The following CORIN variants were observed in gnomAD, a reference collection of about 807,000 sequenced individuals.
The protein encoded by CORIN is atrial natriuretic peptide-converting enzyme.
CORIN carries 117 observed loss-of-function variants against 125.3 expected under a neutral mutation model. That is an observed-to-expected ratio of 0.93 (90% CI 0.80 to 1.09). The LOEUF is 1.09. Ranked by LOEUF, CORIN falls within the 50% of genes least tolerant of loss-of-function variation. The pLI is 0.00. For missense variants in CORIN, 1,253 were observed against 1,306.7 expected, an observed-to-expected ratio of 0.96 and a Z score of 0.63; for synonymous variants, 450 against 466.4, an observed-to-expected ratio of 0.96 and a Z score of 0.45.
chr4:47,808,462 C>G (rs1298619593), intron 1 of CORIN, among the ~76,000 whole-genome samples: 4 of 152,172 alleles, frequency 2.6e-5, no homozygotes, highest in Admixed American at 1.3e-4. Flanking sequence ...GCTTTATTCT[C>G]TCTATAAGGG....
chr4:47,731,454 C>A (rs755444470), intron 5 of CORIN, among the ~76,000 whole-genome samples: 1 of 152,046 alleles, frequency 6.6e-6, no homozygotes, highest in Non-Finnish European at 1.5e-5. Context: ...CTGAGGCACT[C>A]CAGTGTCTAC....
chr4:47,736,920 G>T (rs1445548380), intron 5 of CORIN, among the ~76,000 whole-genome samples: 1 of 152,242 alleles, frequency 6.6e-6, no homozygotes, highest in East Asian at 1.9e-4. Flanking sequence ...AGCAGTGAAA[G>T]GGGAGACATA....
chr4:47,647,107 T>G (rs1723526680), intron 13 of CORIN, among the ~76,000 whole-genome samples: 1 of 152,114 alleles, frequency 6.6e-6, no homozygotes, highest in Non-Finnish European at 1.5e-5. Flanking sequence ...CACAGGGACA[T>G]TATTTAGAGT....
intron 13 of CORIN, among the ~76,000 whole-genome samples, chr4:47,648,355 A>G (rs1272427703): frequency 1.3e-5 from 2 of 152,088 alleles, no homozygotes; most frequent in African/African-American, 4.8e-5. Flanking sequence ...TCACCAACTC[A>G]CCCCAGTTTG....
chr4:47,624,892 G>GCC (rs1560477653), intron 17 of CORIN, among the ~76,000 whole-genome samples: 3 of 151,026 alleles, frequency 2.0e-5, no homozygotes, highest in African/African-American at 7.3e-5. Flanking sequence ...AAAAAAAAAT[G>GCC]CAACCCTAAA....
chr4:47,597,351 C>CAAAAAA (rs11420411), intron 21 of CORIN, among the ~76,000 whole-genome samples: 2 of 117,904 alleles, frequency 1.7e-5, no homozygotes, highest in Admixed American at 8.6e-5. Context: ...AACTCCATCT[C>CAAAAAA]AAAAAAAAAA....
At chr4:47,815,696 T>C (rs1319343854) in intron 1 of CORIN, among the ~76,000 whole-genome samples, 1 of 152,168 alleles carries the variant, frequency 6.6e-6, no homozygotes, top group Non-Finnish European at 1.5e-5. Context: ...TTGGAGAGTC[T>C]TAAAGGTCAG....
Position 47,595,484 on chromosome 4 carries a change from T to A in CORIN, c.*237A>T, listed in dbSNP as rs1181457995. On this transcript the variant is annotated 3_prime_UTR_variant, in exon 22 of 22. Transcript: ENST00000273857. ...GGTTAGGCCTGGCAAAAGGACAAAG[T>A]CTGCTTTGTTTGCTTTTGTAAAGTC... The A allele has an allele frequency of 3.1e-6, 1 of 324,614 alleles. No individual in the cohort carries two copies. Among genetic ancestry groups the A allele is most frequent in the Non-Finnish European group, 5.6e-6 (1 of 178,526 alleles). 20.1% of individuals were successfully genotyped at this position (324,614 alleles called of 1,614,324 possible). A position where few individuals can be genotyped will look rare whatever the true frequency, so the allele number is the denominator to read the frequency against.
intron 16 of CORIN, among the ~76,000 whole-genome samples, chr4:47,629,651 T>G (rs1722729055): frequency 6.6e-6 from 1 of 152,174 alleles, no homozygotes; most frequent in South Asian, 2.1e-4. Flanking sequence ...TTTGTCAAGC[T>G]CTTTCTACAA....
At chr4:47,614,416 C>T (rs1345224976) in intron 19 of CORIN, among the ~76,000 whole-genome samples, 3 of 152,154 alleles carry the variant, frequency 2.0e-5, no homozygotes, top group African/African-American at 7.2e-5. Flanking sequence ...CCAGGCTGGT[C>T]TCGAACTCCT....
chr4:47,782,384 C>CAATAAA (rs1730594124), intron 3 of CORIN, among the ~76,000 whole-genome samples: 1 of 123,274 alleles, frequency 8.1e-6, no homozygotes, highest in African/African-American at 3.2e-5. Context: ...GACTCCATCT[C>CAATAAA]AAGAAAAAAA....
At chr4:47,682,110 T>A (rs776782395) in intron 7 of CORIN, 1 of 151,768 alleles carries the variant, frequency 6.6e-6, no homozygotes, top group Non-Finnish European at 1.5e-5. Context: ...AGTAGAACAG[T>A]GGTTACTAGA....
At chr4:47,600,980 T>C (rs1269366983) in intron 20 of CORIN, among the ~76,000 whole-genome samples, 1 of 152,240 alleles carries the variant, frequency 6.6e-6, no homozygotes, top group Non-Finnish European at 1.5e-5. Flanking sequence ...AATGGATTTC[T>C]TGAAGCAAGA....
chr4:47,658,615 G>A (rs553824000), intron 12 of CORIN, among the ~76,000 whole-genome samples: 2 of 152,250 alleles, frequency 1.3e-5, no homozygotes, highest in African/African-American at 2.4e-5. Context: ...TCCTAAGGCT[G>A]CAAAGGGCAG....
intron 1 of CORIN, among the ~76,000 whole-genome samples, chr4:47,821,626 C>G (rs1443066581): frequency 7.8e-6 from 1 of 128,086 alleles, no homozygotes; most frequent in Non-Finnish European, 1.7e-5. Context: ...TTGTTCCATC[C>G]ATCACATTTT....
At chr4:47,707,012 T>C (rs1726603296) in intron 5 of CORIN, 2 of 1,501,144 alleles carry the variant, frequency 1.3e-6, no homozygotes, top group Non-Finnish European at 1.8e-6. Context: ...GTAAAATTCA[T>C]ACCTAATAAA....
chr4:47,754,281 C>T (rs1729035672), intron 4 of CORIN, among the ~76,000 whole-genome samples: 1 of 152,094 alleles, frequency 6.6e-6, no homozygotes, highest in South Asian at 2.1e-4. Context: ...ACTAAGTCAC[C>T]AGTGTTGCCT....
At chr4:47,757,650 A>G (rs1729212631) in intron 4 of CORIN, among the ~76,000 whole-genome samples, 1 of 151,742 alleles carries the variant, frequency 6.6e-6, no homozygotes, top group Non-Finnish European at 1.5e-5. Context: ...CCCAAAGGAT[A>G]CTTGAAAACT....
At chr4:47,667,368 A>G (rs1331596688) in intron 10 of CORIN, among the ~76,000 whole-genome samples, 1 of 152,178 alleles carries the variant, frequency 6.6e-6, no homozygotes, top group Non-Finnish European at 1.5e-5. Flanking sequence ...TACAGCAGAG[A>G]GGCTCCCAGC....
Sources: allele counts gnomAD v4.1 joint callset (sites outside exome capture counted in the v4.1 genomes callset), GRCh38; gene constraint gnomAD v4.1.1; transcripts MANE v1.5; gene names NCBI Gene and HGNC (gene_info 2026-07-23, HGNC 2026-07-21).